Variants in FER observed in about 807,000 individuals in gnomAD.
FER encodes the protein tyrosine-protein kinase Fer.
In FER, 63 loss-of-function variants were observed where a neutral mutation model predicts 111.0. The ratio of observed to expected loss-of-function variants is 0.57; its 90% CI spans 0.46 to 0.70. The LOEUF (loss-of-function observed/expected upper bound fraction) is 0.70, where lower values mean the gene tolerates loss of function less well. FER is among the 30% of genes least tolerant of loss of function. The pLI is 0.00. For synonymous variants in FER, 327 were observed against 313.9 expected (o/e 1.04, Z -0.44); for missense variants, 914 against 954.0 (o/e 0.96, Z 0.55).
intron 16 of FER, among the ~76,000 whole-genome samples, chr5:109,096,865 A>T (rs1747597782): frequency 6.6e-6 from 1 of 151,588 alleles, no homozygotes; most frequent in Non-Finnish European, 1.5e-5. Context: ...GCAAACACCA[A>T]GTCCCTACTA....
At chr5:108,894,501 C>A in intron 9 of FER, 1 of 398,766 alleles carries the variant, frequency 2.5e-6, no homozygotes. Flanking sequence ...GTCTATGACA[C>A]TGATATTAGT....
chr5:109,111,758 T>C (rs751718808), intron 17 of FER, among the ~76,000 whole-genome samples: 7 of 151,900 alleles, frequency 4.6e-5, no homozygotes, highest in Non-Finnish European at 8.8e-5. Flanking sequence ...AACCATCAAA[T>C]CTCATAAGAA....
intron 8 of FER, among the ~76,000 whole-genome samples, chr5:108,875,326 A>C (rs2150257651): frequency 6.6e-6 from 1 of 152,148 alleles, no homozygotes; most frequent in Non-Finnish European, 1.5e-5. Context: ...CTTAAATCTG[A>C]GGTTACTTTC....
intron 5 of FER, among the ~76,000 whole-genome samples, chr5:108,864,471 G>T (rs1439520125): frequency 6.6e-6 from 1 of 152,090 alleles, no homozygotes; most frequent in East Asian, 1.9e-4. Context: ...CTTAAATGAG[G>T]AATACTCAGA....
chr5:108,819,802 A>G (rs996798327), intron 3 of FER: 1 of 985,068 alleles, frequency 1.0e-6, no homozygotes, highest in Non-Finnish European at 1.2e-6. Flanking sequence ...GAGTATATAG[A>G]TTAGTTTATA....
At chr5:108,848,281 C>T (rs2150179225) in intron 5 of FER, among the ~76,000 whole-genome samples, 1 of 152,242 alleles carries the variant, frequency 6.6e-6, no homozygotes, top group Admixed American at 6.5e-5. Context: ...TCTTGATAAT[C>T]CTTACCTTTT....
In FER at chr5:108,872,107, A is replaced by C. The variant is rs750250605; in HGVS notation, c.818A>C (p.Lys273Thr). Residue 273 changes from lysine to threonine, a missense_variant, in exon 8 of 20, where the codon AAA (lysine) becomes ACA (threonine). By Grantham distance (78) the Lys-to-Thr change is moderately conservative. Around this residue, in one of 3 missense-constraint regions of FER, gnomAD observed 774 missense variants for 782.6 expected, o/e 0.99. Transcript: ENST00000281092. ...TGCTTTACTAGAACAACGGCTGCTA[A>C]AGAACAAGAAATAGAGTTTGATACT... is the stretch of plus-strand genomic sequence containing the variant. ...FIDVHRTTAA[K>T]EQEIEFDTSL... 14 of 1,610,676 alleles carry C rather than the reference A, an allele frequency of 8.7e-6. No individual in the cohort carries two copies. Among genetic ancestry groups the C allele is most frequent in the African/African-American group, 1.3e-5 (1 of 74,772 alleles).
intron 16 of FER, among the ~76,000 whole-genome samples, chr5:109,069,253 G>T (rs1258232443): frequency 6.6e-6 from 1 of 152,132 alleles, no homozygotes; most frequent in Non-Finnish European, 1.5e-5. Flanking sequence ...TGTTTCTGAG[G>T]TGAGATATAA....
chr5:108,980,692 C>T (rs1030690772), intron 13 of FER, among the ~76,000 whole-genome samples: 2 of 151,974 alleles, frequency 1.3e-5, no homozygotes, highest in Admixed American at 6.6e-5. Flanking sequence ...AGGTTTAGAC[C>T]GATAACAGAG....
chr5:108,936,466 T>C (rs1561644876), intron 10 of FER, among the ~76,000 whole-genome samples: 2 of 152,000 alleles, frequency 1.3e-5, no homozygotes, highest in Admixed American at 6.6e-5. Flanking sequence ...TTATGTTGTT[T>C]ATTTCATATT....
intron 3 of FER, among the ~76,000 whole-genome samples, chr5:108,811,545 G>A (rs1757759182): frequency 2.0e-5 from 3 of 152,146 alleles, no homozygotes; most frequent in Admixed American, 2.0e-4. Flanking sequence ...TTCTATAGAT[G>A]ACAGTAAAGT....
At chr5:108,780,898 T>A (rs1238812934) in intron 2 of FER, among the ~76,000 whole-genome samples, 1 of 151,964 alleles carries the variant, frequency 6.6e-6, no homozygotes. Flanking sequence ...TATTCTTTCC[T>A]CAGCTGTGTC....
At chr5:108,921,860 C>T (rs1753061635) in intron 10 of FER, among the ~76,000 whole-genome samples, 1 of 152,152 alleles carries the variant, frequency 6.6e-6, no homozygotes, top group Non-Finnish European at 1.5e-5. Context: ...TTGATGATCA[C>T]ATCTGTTATG....
chr5:108,984,563 G>GTT (rs552202875), intron 13 of FER, among the ~76,000 whole-genome samples: 2 of 146,158 alleles, frequency 1.4e-5, no homozygotes, highest in Admixed American at 6.8e-5. Flanking sequence ...TGCCACGATA[G>GTT]TTTTTTTTTT....
intron 17 of FER, among the ~76,000 whole-genome samples, chr5:109,131,993 A>G (rs1315196478): frequency 6.6e-6 from 1 of 152,188 alleles, no homozygotes; most frequent in Non-Finnish European, 1.5e-5. Context: ...CCATCTCATA[A>G]AGTTGTTGCA....
At chr5:108,968,819 C>T (rs1292886776) in intron 13 of FER, among the ~76,000 whole-genome samples, 1 of 151,950 alleles carries the variant, frequency 6.6e-6, no homozygotes, top group African/African-American at 2.4e-5. Flanking sequence ...TGAATCTCTT[C>T]AATATACAGT....
intron 17 of FER, among the ~76,000 whole-genome samples, chr5:109,172,490 G>T (rs958075320): frequency 1.4e-4 from 9 of 66,590 alleles, no homozygotes; most frequent in Non-Finnish European, 2.5e-4. Context: ...GTTGTGGGGT[G>T]GGGGGAGGGG....
chr5:108,749,240 A>T (rs961620736), intron 1 of FER, among the ~76,000 whole-genome samples: 1 of 151,664 alleles, frequency 6.6e-6, no homozygotes, highest in Non-Finnish European at 1.5e-5. Flanking sequence ...GCAGCAGAGC[A>T]TTCCTGGTTG....
rs1580985232 is a variant in FER at position 108,872,291 on chromosome 5, A to C, written c.923+79A>C. ...TTGTTGTACTCAGATTTAAAATATC[A>C]ATTATTTTTACAAGTATTGAACAGT... On this transcript the variant is annotated intron_variant, in intron 8 of 19. Coordinates refer to ENST00000281092, the MANE Select transcript of FER (RefSeq NM_005246.4). 3.0e-6 allele frequency: 4 copies of C among 1,336,370 alleles called. No homozygotes were observed. In the East Asian group the frequency reaches 7.9e-5, roughly 26 times the overall value. The allele number at this position is 1,336,370 out of a possible 1,614,324, so 82.8% of individuals were successfully genotyped here.
Sources: gnomAD v4.1 joint callset for allele counts (sites outside exome capture counted in the v4.1 genomes callset) on GRCh38, gnomAD v4.1.1 for gene constraint, gnomAD v4.1.1 regional missense constraint, MANE v1.5 for transcripts, NCBI Gene and HGNC (gene_info 2026-07-23, HGNC 2026-07-21) for gene names.